DSCAML1: variants seen among roughly 807,000 people sequenced by gnomAD.
DSCAML1 encodes the protein DS cell adhesion molecule like 1, also known as cell adhesion molecule DSCAML1.
In DSCAML1, 38 loss-of-function variants were observed where a neutral mutation model predicts 200.5. That is an observed-to-expected ratio of 0.19 (90% confidence interval 0.15 to 0.25). The LOEUF is 0.25. Among genes scored for constraint, DSCAML1 ranks in the 10% least tolerant of loss-of-function variants. DSCAML1 has a pLI of 1.00. For synonymous variants in DSCAML1, 1,215 were observed against 1,165.0 expected, an observed-to-expected ratio of 1.04 and a Z score of -0.87; for missense variants, 2,223 against 2,858.8, an observed-to-expected ratio of 0.78 and a Z score of 5.07.
intron 3 of DSCAML1, among the ~76,000 whole-genome samples, chr11:117,537,132 AC>A (rs1565773896): frequency 6.6e-6 from 1 of 151,978 alleles, no homozygotes; most frequent in Non-Finnish European, 1.5e-5. Flanking sequence ...TGACAGCACC[AC>A]TCATAGGGAC....
At chr11:117,656,411 G>T (rs1431495161) in intron 3 of DSCAML1, among the ~76,000 whole-genome samples, 3 of 152,172 alleles carry the variant, frequency 2.0e-5, no homozygotes, top group African/African-American at 7.2e-5. Context: ...CCACGGGAAG[G>T]TTCTCAGGAT....
intron 3 of DSCAML1, among the ~76,000 whole-genome samples, chr11:117,538,577 A>G (rs936641707): frequency 5.3e-5 from 8 of 152,364 alleles, no homozygotes; most frequent in Non-Finnish European, 1.0e-4. Flanking sequence ...ACAGGTGTTA[A>G]GTGAGCTGAC....
chr11:117,442,212 TTAG>T (rs2048072254), intron 21 of DSCAML1, among the ~76,000 whole-genome samples: 1 of 145,642 alleles, frequency 6.9e-6, no homozygotes, highest in African/African-American at 2.5e-5. Context: ...TGTGCATGTA[TTAG>T]TGTGTCTAGT....
chr11:117,564,302 C>G (rs2050716021), intron 3 of DSCAML1, among the ~76,000 whole-genome samples: 1 of 152,150 alleles, frequency 6.6e-6, no homozygotes, highest in Admixed American at 6.5e-5. Flanking sequence ...GAGATGGAAT[C>G]CATTTCTCTA....
intron 8 of DSCAML1, among the ~76,000 whole-genome samples, chr11:117,506,915 T>C (rs554468657): frequency 4.7e-4 from 72 of 152,260 alleles, no homozygotes; most frequent in African/African-American, 1.6e-3. Context: ...AAGCCCTGTC[T>C]TCTGCAGGAC....
chr11:117,697,413 T>A (rs560411028), intron 3 of DSCAML1, among the ~76,000 whole-genome samples: 25 of 150,272 alleles, frequency 1.7e-4, no homozygotes, highest in African/African-American at 6.3e-4. Flanking sequence ...CTTGACTTTT[T>A]TTCCACATTT....
At chr11:117,705,021 T>C (rs2053734811) in intron 3 of DSCAML1, among the ~76,000 whole-genome samples, 2 of 152,068 alleles carry the variant, frequency 1.3e-5, no homozygotes, top group South Asian at 4.1e-4. Context: ...GTGCAAAGAC[T>C]CTGCGTACCC....
At chr11:117,484,819 C>T (rs2049004966) in intron 11 of DSCAML1, among the ~76,000 whole-genome samples, 1 of 151,760 alleles carries the variant, frequency 6.6e-6, no homozygotes, top group Non-Finnish European at 1.5e-5. Context: ...GGCCCTGAGG[C>T]CTCCTTCCTG....
intron 2 of DSCAML1, among the ~76,000 whole-genome samples, chr11:117,778,595 A>G (rs1172006593): frequency 6.6e-6 from 1 of 152,268 alleles, no homozygotes; most frequent in Non-Finnish European, 1.5e-5. Flanking sequence ...ACTTTTCATG[A>G]TAGCTGCACC....
In DSCAML1 at chr11:117,469,123, C is replaced by T. The variant is rs114484702; in HGVS notation, c.3024+787G>A. Among the ~76,000 whole-genome samples, 281 of 152,294 alleles carry T rather than the reference C, an allele frequency of 1.8e-3. No homozygotes were observed. The highest frequency in any genetic ancestry group is 6.2e-3 in the African/African-American group (257 of 41,554). On this transcript the variant is annotated intron_variant, in intron 16 of 32. Coordinates refer to ENST00000651296, the MANE Select transcript of DSCAML1 (RefSeq NM_020693.4). This position sits in a 1 kb window ranked among gnomAD's most constrained non-coding sequence, Gnocchi z 4.1. The stretch of plus-strand genomic sequence containing the variant: ...TCTGTCTCTGCTAGCCAGGCCACCT[C>T]ACATCTTGTCTCCATGGCCTCCTCT...
chr11:117,621,735 A>T (rs1441853062), intron 3 of DSCAML1, among the ~76,000 whole-genome samples: 2 of 152,228 alleles, frequency 1.3e-5, no homozygotes, highest in African/African-American at 4.8e-5. Context: ...GTACAACATC[A>T]CAAAACCTCA....
At chr11:117,721,271 C>G (rs1448235261) in intron 3 of DSCAML1, among the ~76,000 whole-genome samples, 7 of 152,222 alleles carry the variant, frequency 4.6e-5, no homozygotes, top group African/African-American at 1.7e-4. Flanking sequence ...GAAAGAACTT[C>G]TTCTCAACTG....
At chr11:117,546,726 G>A (rs1357109390) in intron 3 of DSCAML1, among the ~76,000 whole-genome samples, 5 of 152,046 alleles carry the variant, frequency 3.3e-5, no homozygotes, top group Admixed American at 1.3e-4. Flanking sequence ...TCTGGGGGAG[G>A]GGGTGCAGAG....
chr11:117,641,472 G>A (rs577095699), intron 3 of DSCAML1, among the ~76,000 whole-genome samples: 14 of 152,278 alleles, frequency 9.2e-5, no homozygotes, highest in East Asian at 1.9e-4. Context: ...GAACAGATGC[G>A]CACACTGCCT....
chr11:117,568,699 C>T (rs2050797282), intron 3 of DSCAML1, among the ~76,000 whole-genome samples: 2 of 152,096 alleles, frequency 1.3e-5, no homozygotes, highest in African/African-American at 4.8e-5. Flanking sequence ...AACTACAAAC[C>T]ACTGCTCAAG....
chr11:117,812,528 T>C (rs1324347069), intron 1 of DSCAML1, among the ~76,000 whole-genome samples: 1 of 151,990 alleles, frequency 6.6e-6, no homozygotes, highest in Non-Finnish European at 1.5e-5. Flanking sequence ...AAACGTGCTT[T>C]CTTTACTATT....
In DSCAML1 at chr11:117,553,321, AG is replaced by A. The variant is rs1363011525; in HGVS notation, c.512-20800del. Among the ~76,000 whole-genome samples the A allele has an allele frequency of 5.9e-5, 9 of 152,382 alleles. No individual in the cohort carries two copies. The East Asian group carries it at 1.7e-3, about 29-fold the overall frequency. On this transcript the variant is annotated intron_variant, in intron 3 of 32. Transcript: ENST00000651296. ...AACATGTAAAACTTCTATGCATCAGAGGACTCAACCATCAGAGTGAAAAGGC... is the reference window on the plus strand; with the variant it reads ...AACATGTAAAACTTCTATGCATCAGAGACTCAACCATCAGAGTGAAAAGGC...
chr11:117,431,354 G>C (rs962341191), intron 31 of DSCAML1, among the ~76,000 whole-genome samples, 180 bp downstream of exon 31: 1 of 152,240 alleles, frequency 6.6e-6, no homozygotes, highest in African/African-American at 2.4e-5. Flanking sequence ...GTAGAGCTCA[G>C]TGAGGTCAAG....
chr11:117,535,573 G>A (rs889299809), intron 3 of DSCAML1, among the ~76,000 whole-genome samples: 18 of 152,208 alleles, frequency 1.2e-4, no homozygotes, highest in African/African-American at 3.9e-4. Context: ...GAGGAAGCAC[G>A]GAGAAAGCCA....
Sources: allele counts gnomAD v4.1 joint callset (sites outside exome capture counted in the v4.1 genomes callset), GRCh38; gene constraint gnomAD v4.1.1; non-coding constraint Gnocchi (gnomAD v3.1); transcripts MANE v1.5; gene names NCBI Gene and HGNC (gene_info 2026-07-23, HGNC 2026-07-21).